Variants in PCDH15 observed in about 807,000 individuals in gnomAD.
PCDH15 encodes protocadherin-15.
A neutral mutation model predicts 178.5 loss-of-function variants in PCDH15; 129 were observed. The ratio of observed to expected loss-of-function variants is 0.72; its 90% confidence interval spans 0.63 to 0.84. The LOEUF is 0.84. Among genes scored for constraint, PCDH15 ranks in the 40% least tolerant of loss-of-function variants. The probability of loss-of-function intolerance (pLI) is 0.00; values close to 1 mark genes in which losing one functional copy is unlikely to be tolerated. For missense variants in PCDH15, 2,230 were observed against 2,099.9 expected, an observed-to-expected ratio of 1.06 and a Z score of -1.21; for synonymous variants, 800 against 732.0, an observed-to-expected ratio of 1.09 and a Z score of -1.50.
rs12246698 is a variant in PCDH15 at position 54,129,669 on chromosome 10, T to C, written c.1917+3206A>G. Among the ~76,000 whole-genome samples the C allele has an allele frequency of 6.2e-3, 951 of 152,258 alleles. 15 individuals carry two copies. Among genetic ancestry groups the C allele is most frequent in the African/African-American group, 0.022 (933 of 41,546 alleles). ...ATTAAGTGCCACACTAAGTGTTAAT[T>C]ATAGCTCCCTGGCGGTAAACAGGGG... On this transcript the variant is annotated intron_variant, in intron 15 of 37. Coordinates refer to ENST00000644397, the MANE Select transcript of PCDH15 (RefSeq NM_001384140.1).
intron 2 of PCDH15, among the ~76,000 whole-genome samples, chr10:55,579,179 C>T (rs192689548): frequency 1.3e-5 from 2 of 152,156 alleles, no homozygotes; most frequent in Non-Finnish European, 2.9e-5. Context: ...TCAAAAGAAA[C>T]AGTAAATTAC....
intron 2 of PCDH15, among the ~76,000 whole-genome samples, chr10:55,325,893 A>G (rs372918933): frequency 1.4e-4 from 21 of 152,178 alleles, no homozygotes; most frequent in African/African-American, 4.3e-4. Context: ...GTCGACAAGC[A>G]TAAAAGAAAC....
intron 1 of PCDH15, among the ~76,000 whole-genome samples, chr10:54,677,768 G>A (rs1179533490): frequency 6.6e-6 from 1 of 152,098 alleles, no homozygotes; most frequent in African/African-American, 2.4e-5. Context: ...ATTTTCTAGT[G>A]TATAGTGTGG....
intron 2 of PCDH15, among the ~76,000 whole-genome samples, chr10:55,579,291 G>C (rs1291348659): frequency 6.6e-6 from 1 of 152,136 alleles, no homozygotes; most frequent in Non-Finnish European, 1.5e-5. Flanking sequence ...AGACGTTTCA[G>C]TAGCTAGATG....
chr10:55,547,908 T>TGAGA (rs1297847854), intron 2 of PCDH15, among the ~76,000 whole-genome samples: 18 of 35,294 alleles, frequency 5.1e-4, no homozygotes, highest in African/African-American at 1.1e-3. Flanking sequence ...TGTGTGTGTG[T>TGAGA]GTGAGAGAGA....
At chr10:55,408,578 C>A (rs1343662506) in intron 2 of PCDH15, among the ~76,000 whole-genome samples, 1 of 152,054 alleles carries the variant, frequency 6.6e-6, no homozygotes, top group Non-Finnish European at 1.5e-5. Flanking sequence ...AAGCCCAAAT[C>A]AAATACTAAC....
At chr10:54,627,816 A>G (rs2093598926) in intron 2 of PCDH15, among the ~76,000 whole-genome samples, 1 of 152,196 alleles carries the variant, frequency 6.6e-6, no homozygotes, top group African/African-American at 2.4e-5. Context: ...GACATGCACA[A>G]AATCATTTAT....
rs4146645 is a variant in PCDH15, at chr10:54,023,386, A to T, written c.2221-189T>A. Reference sequence around the variant, plus strand: ...AAAATATTATACTTTAATATTCTTCATTTAAAATTAACATAACAAAAACGG... The same window carrying T: ...AAAATATTATACTTTAATATTCTTCTTTTAAAATTAACATAACAAAAACGG... On this transcript the variant is annotated intron_variant, in intron 18 of 37. Transcript: ENST00000644397. 0.42 allele frequency among the ~76,000 whole-genome samples: 63,243 copies of T among 151,424 alleles called. 14,417 individuals are homozygous for T. The highest frequency in any genetic ancestry group is 0.63 in the Middle Eastern group (184 of 290).
intron 2 of PCDH15, among the ~76,000 whole-genome samples, chr10:55,109,618 A>C (rs971330633): frequency 1.3e-5 from 2 of 152,142 alleles, no homozygotes; most frequent in Non-Finnish European, 2.9e-5. Context: ...AGGGGTTATA[A>C]GGTCGGTGAA....
chr10:54,275,075 C>A (rs1348728644), intron 8 of PCDH15, among the ~76,000 whole-genome samples: 1 of 151,772 alleles, frequency 6.6e-6, no homozygotes, highest in Admixed American at 6.6e-5. Context: ...AAGTTGTCTG[C>A]ATAAAGATTA....
At chr10:55,386,054 A>G (rs2132007713) in intron 2 of PCDH15, among the ~76,000 whole-genome samples, 1 of 152,016 alleles carries the variant, frequency 6.6e-6, no homozygotes, top group East Asian at 1.9e-4. Context: ...TTGACTGTGA[A>G]GTTTCTAGCA....
intron 2 of PCDH15, among the ~76,000 whole-genome samples, chr10:55,071,263 G>C (rs1442429770): frequency 6.8e-6 from 1 of 147,620 alleles, no homozygotes; most frequent in Non-Finnish European, 1.5e-5. Flanking sequence ...AACTTTAAAT[G>C]TAACTGGACT....
chr10:54,903,527 A>G (rs1275150548), intron 2 of PCDH15, among the ~76,000 whole-genome samples: 14 of 152,118 alleles, frequency 9.2e-5, no homozygotes. Context: ...ATGAAATCTG[A>G]AAAATAAAAT....
intron 1 of PCDH15, among the ~76,000 whole-genome samples, chr10:55,232,782 T>G (rs956933898): frequency 6.6e-6 from 1 of 152,080 alleles, no homozygotes; most frequent in African/African-American, 2.4e-5. Context: ...TGAACCACTC[T>G]GCCCAACAAT....
At chr10:54,227,527 G>A (rs1464395905) in intron 9 of PCDH15, among the ~76,000 whole-genome samples, 1 of 152,192 alleles carries the variant, frequency 6.6e-6, no homozygotes, top group Non-Finnish European at 1.5e-5. Context: ...GGTGGGAGGG[G>A]CTGTCATGAA....
At chr10:54,546,916 A>C (rs56140526) in intron 2 of PCDH15, among the ~76,000 whole-genome samples, 1 of 152,060 alleles carries the variant, frequency 6.6e-6, no homozygotes, top group Non-Finnish European at 1.5e-5. Context: ...CAATGTGTCA[A>C]TGACTTCATC....
chr10:55,193,953 C>T (rs1461421342), intron 1 of PCDH15, among the ~76,000 whole-genome samples: 1 of 151,904 alleles, frequency 6.6e-6, no homozygotes, highest in African/African-American at 2.4e-5. Context: ...ACATAATTTA[C>T]TGAATAATAC....
intron 3 of PCDH15, among the ~76,000 whole-genome samples, chr10:54,437,328 A>G (rs2075489512): frequency 6.6e-6 from 1 of 152,186 alleles, no homozygotes; most frequent in African/African-American, 2.4e-5. Context: ...CATTCAGCCA[A>G]GATGATGAAC....
intron 1 of PCDH15, among the ~76,000 whole-genome samples, chr10:54,765,659 A>T (rs1206539963): frequency 1.3e-5 from 2 of 152,162 alleles, no homozygotes; most frequent in African/African-American, 4.8e-5. Flanking sequence ...TCTTTATGCA[A>T]AGTACTTTAT....
Sources: gnomAD v4.1 joint callset for allele counts (sites outside exome capture counted in the v4.1 genomes callset) on GRCh38, gnomAD v4.1.1 for gene constraint, MANE v1.5 for transcripts, NCBI Gene and HGNC (gene_info 2026-07-23, HGNC 2026-07-21) for gene names.